DDX51: variants seen among roughly 807,000 people sequenced by gnomAD.
DDX51 encodes the protein ATP-dependent RNA helicase DDX51.
In DDX51, 67 loss-of-function variants were observed where a neutral mutation model predicts 74.6. The observed-to-expected ratio is 0.90, with a 90% CI of 0.74 to 1.10. The LOEUF is 1.10. Ranked by LOEUF, DDX51 falls within the 50% of genes least tolerant of loss-of-function variation. DDX51 has a pLI of 0.00. For synonymous variants in DDX51, 545 were observed against 402.9 expected (o/e 1.35, Z -4.22); for missense variants, 1,056 against 905.2 (o/e 1.17, Z -2.14).
Position 132,139,075 on chromosome 12 carries a change from C to T in DDX51, c.*197G>A, listed in dbSNP as rs1206133465. On this transcript the variant is annotated 3_prime_UTR_variant, in exon 15 of 15. Transcript: ENST00000397333. ...CCTCCACACTCTGAAAGTGACAAGCCCTGAAGTCTCCAGTCGGGGCAGGTG... is the reference window on the plus strand; with the variant it reads ...CCTCCACACTCTGAAAGTGACAAGCTCTGAAGTCTCCAGTCGGGGCAGGTG... 2.8e-6 allele frequency: 2 copies of T among 709,378 alleles called. No individual in the cohort carries two copies. The highest frequency in any genetic ancestry group is 3.7e-5 in the South Asian group (2 of 54,090). 43.9% of individuals were successfully genotyped at this position (709,378 alleles called of 1,614,324 possible).
At position 132,140,267 on chromosome 12, in the gene DDX51, C is replaced by T. The variant is rs925182268; in HGVS notation, c.1674-68G>A. On this transcript the variant is annotated intron_variant, in intron 11 of 14. Coordinates refer to ENST00000397333, the MANE Select transcript of DDX51 (RefSeq NM_175066.4). ...AGGGGCCGTGGCAGCACCGGCCCTG[C>T]GGGGGGCAGCTCAGGCCTTTCTGGG... is the stretch of plus-strand genomic sequence containing the variant. 210 of 1,574,960 alleles carry T rather than the reference C, an allele frequency of 1.3e-4. 1 individual carries two copies. The highest frequency in any genetic ancestry group is 1.7e-4 in the Non-Finnish European group (191 of 1,156,496).
At position 132,141,904 on chromosome 12, in the gene DDX51, A is replaced by T. The variant is rs1210040938; in HGVS notation, c.941T>A (p.Leu314Gln). The change falls in exon 6 of 15, where the codon CTG becomes CAG. Residue 314 changes from leucine to glutamine, a missense_variant. Transcript: ENST00000397333. ...YTDATPLRVS[L>Q]VTGQKSLAKE... ...GGCCAGAGACTTCTGTCCCGTAACCAGGGAGACTCTCAGAGGTGTGGCATC... is the reference window on the plus strand; with the variant it reads ...GGCCAGAGACTTCTGTCCCGTAACCTGGGAGACTCTCAGAGGTGTGGCATC... The T allele has an allele frequency of 6.2e-7, 1 of 1,613,228 alleles. No individual in the cohort carries two copies. Among genetic ancestry groups the T allele is most frequent in the South Asian group, 1.1e-5 (1 of 91,086 alleles).
intron 2 of DDX51, chr12:132,143,081 T>C (rs1593422691): frequency 1.1e-5 from 7 of 633,644 alleles, no homozygotes; most frequent in Middle Eastern, 4.4e-4. Context: ...ACTCACTCTG[T>C]AGCCTCCCAT....
rs760602783 is a variant in DDX51 at position 132,139,876 on chromosome 12, C to T, written c.1824G>A (p.Leu608=). 2 of 1,613,218 alleles carry T rather than the reference C, an allele frequency of 1.2e-6. No individual in the cohort carries two copies. The highest frequency in any genetic ancestry group is 1.1e-5 in the South Asian group (1 of 91,090). The part of the protein sequence containing the change: ...RAGKTGQAFT[L]LLKVQERRFL... ...GCAGCCTCACCTGCACTTTCAGGAG[C>T]AGTGTGAAGGCCTGTCCAGTTTTCC... Residue 608 remains leucine, a synonymous_variant, in exon 13 of 15, where the codon CTG becomes CTA. Coordinates refer to ENST00000397333, the MANE Select transcript of DDX51 (RefSeq NM_175066.4).
In DDX51 at chr12:132,139,224, G is replaced by A. The variant is rs1897355899; in HGVS notation, c.*48C>T. The A allele has an allele frequency of 1.3e-6, 2 of 1,596,990 alleles. No individual in the cohort carries two copies. Among genetic ancestry groups the A allele is most frequent in the South Asian group, 1.1e-5 (1 of 89,264 alleles). On this transcript the variant is annotated 3_prime_UTR_variant, in exon 15 of 15. Coordinates refer to ENST00000397333, the MANE Select transcript of DDX51 (RefSeq NM_175066.4). ...AGTGATCAGCACTGCTCTGGAAGGA[G>A]GGTCAGGGTGGTGAGCGTTCAGTCC...
intron 2 of DDX51, chr12:132,143,266 G>A (rs1897548387): frequency 4.9e-6 from 2 of 404,044 alleles, no homozygotes; most frequent in Non-Finnish European, 9.1e-6. Flanking sequence ...TCCTCCACCT[G>A]CCCTACCTAA....
In DDX51 at chr12:132,137,642, C is replaced by G. The variant is rs569936400; in HGVS notation, c.*1630G>C. 5.3e-5 allele frequency: 8 copies of G among 152,370 alleles called. No individual in the cohort carries two copies. Among genetic ancestry groups the G allele is most frequent in the Admixed American group, 5.2e-4 (8 of 15,296 alleles). 9.4% of individuals were successfully genotyped at this position (152,370 alleles called of 1,614,324 possible). On this transcript the variant is annotated 3_prime_UTR_variant, in exon 15 of 15. Transcript: ENST00000397333. The stretch of plus-strand genomic sequence containing the variant: ...GGGTGGGCTGGTGTTTCCATCCTCA[C>G]AACTCCAGTGAGCCGGGTGTGGCCG...
In DDX51 at chr12:132,141,503, A is replaced by G; in HGVS notation, c.1099T>C (p.Phe367Leu). The G allele has an allele frequency of 6.3e-7, 1 of 1,591,310 alleles. No homozygotes were observed. Among genetic ancestry groups the G allele is most frequent in the Non-Finnish European group, 8.5e-7 (1 of 1,171,728 alleles). Residue 367 changes from phenylalanine to leucine, a missense_variant, in exon 7 of 15, where the codon TTC (phenylalanine) becomes CTC (leucine). Physicochemically the swap from Phe to Leu is conservative, Grantham distance 22. Coordinates refer to ENST00000397333, the MANE Select transcript of DDX51 (RefSeq NM_175066.4). Reference protein sequence around the residue: ...TPGFSLQQLRFLIIDEADRMI... With the variant: ...TPGFSLQQLRLLIIDEADRMI... ...CCCCTGGGGCGGGGACCTACCAGGA[A>G]GCGGAGCTGCTGGAGGCTGAATCCT...
chr12:132,139,924 C>T lies in DDX51; in HGVS notation c.1776G>A (p.Arg592=). The part of the protein sequence containing the change: ...APQYLRTYVH[R]VGRTARAGKT... ...TCCCAGCGCGAGCTGTCCTCCCAAC[C>T]CTGGAATCAAACGCAGCTATCTCCA... is the stretch of plus-strand genomic sequence containing the variant. Residue 592 remains arginine (R), a splice_region_variant and synonymous_variant, in exon 13 of 15, where the codon CGG becomes CGA. Coordinates refer to ENST00000397333, the MANE Select transcript of DDX51 (RefSeq NM_175066.4). 2 of 1,613,004 alleles carry T rather than the reference C, an allele frequency of 1.2e-6. No homozygotes were observed. The highest frequency in any genetic ancestry group is 1.3e-5 in the African/African-American group (1 of 75,074).
chr12:132,139,833 G>T (rs1298912699), intron 13 of DDX51, 28 bp downstream of exon 13: 2 of 1,612,780 alleles, frequency 1.2e-6, no homozygotes, highest in African/African-American at 1.3e-5. Context: ...ACCAACAGCA[G>T]AAACTCCCAA....
Position 132,142,888 on chromosome 12 carries a change from A to G in DDX51, c.520-10T>C, listed in dbSNP as rs892577253. 3.8e-5 allele frequency: 62 copies of G among 1,612,340 alleles called. No individual in the cohort carries two copies. The highest frequency in any genetic ancestry group is 3.3e-4 in the Middle Eastern group (2 of 6,084). On this transcript the variant is annotated splice_polypyrimidine_tract_variant and intron_variant, in intron 2 of 14. Transcript: ENST00000397333. The stretch of plus-strand genomic sequence containing the variant: ...GCAGGAAAGGCTGGACCTGCCATCA[A>G]AAAGAAAGAGAGGCCAGGTGAGCGC...
chr12:132,143,007 G>C, intron 2 of DDX51, 129 bp from the exon 3 acceptor site: 1 of 1,258,690 alleles, frequency 7.9e-7, no homozygotes, highest in Non-Finnish European at 1.1e-6. Flanking sequence ...CTCAGCCCCA[G>C]GATGCGCTTT....
chr12:132,136,853 G>C lies in DDX51; in HGVS notation c.*2419C>G, dbSNP rs1251158267. 2 of 152,172 alleles carry C rather than the reference G, an allele frequency of 1.3e-5. No homozygotes were observed. Among genetic ancestry groups the C allele is most frequent in the Admixed American group, 6.5e-5 (1 of 15,268 alleles). The allele number at this position is 152,172 out of a possible 1,614,324, so 9.4% of individuals were successfully genotyped here. On this transcript the variant is annotated 3_prime_UTR_variant, in exon 15 of 15. Coordinates refer to ENST00000397333, the MANE Select transcript of DDX51 (RefSeq NM_175066.4). Reference sequence around the variant, plus strand: ...TAAGTTTTGTATTTTTAGTAGAGATGGGGTTTCACCATGTTGGCCAGGATG... The same window carrying C: ...TAAGTTTTGTATTTTTAGTAGAGATCGGGTTTCACCATGTTGGCCAGGATG...
intron 12 of DDX51, 61 bp downstream of exon 12, chr12:132,140,037 A>G (rs1897385293): frequency 6.2e-6 from 10 of 1,606,278 alleles, no homozygotes; most frequent in Non-Finnish European, 8.5e-6. Context: ...ACGGTCCCAC[A>G]TCAACGCCCA....
Position 132,139,230 on chromosome 12 carries a change from G to T in DDX51, c.*42C>A. On this transcript the variant is annotated 3_prime_UTR_variant, in exon 15 of 15. Coordinates refer to ENST00000397333, the MANE Select transcript of DDX51 (RefSeq NM_175066.4). ...CAGCACTGCTCTGGAAGGAGGGTCAGGGTGGTGAGCGTTCAGTCCCTCCGG... is the reference window on the plus strand; with the variant it reads ...CAGCACTGCTCTGGAAGGAGGGTCATGGTGGTGAGCGTTCAGTCCCTCCGG... 1 of 1,600,816 alleles carries T rather than the reference G, an allele frequency of 6.2e-7. No individual in the cohort carries two copies. Among genetic ancestry groups the T allele is most frequent in the East Asian group, 2.2e-5 (1 of 44,550 alleles).
In DDX51 at chr12:132,142,464, G is replaced by A. The variant is rs751548298; in HGVS notation, c.671-42C>T. The A allele has an allele frequency of 2.0e-5, 32 of 1,593,888 alleles. No individual in the cohort carries two copies. The Admixed American group carries it at 4.0e-4, about 20-fold the overall frequency. On this transcript the variant is annotated intron_variant, in intron 3 of 14. Transcript: ENST00000397333. ...GAGAGAGAAGTCGTGTTTACGCCTAGGCCTAGGCCTGCCGCTTCCCTGCCT... is the reference window on the plus strand; with the variant it reads ...GAGAGAGAAGTCGTGTTTACGCCTAAGCCTAGGCCTGCCGCTTCCCTGCCT...
chr12:132,141,986 G>A (rs778682017), intron 5 of DDX51, 30 bp from the exon 6 acceptor site: 7 of 1,609,906 alleles, frequency 4.3e-6, no homozygotes, highest in Admixed American at 1.7e-5. Flanking sequence ...CTGGCCTGGA[G>A]GTAGCTGGTG....
chr12:132,143,639 G>A (rs1897570365), intron 2 of DDX51, 56 bp downstream of exon 2: 4 of 1,527,834 alleles, frequency 2.6e-6, no homozygotes, highest in Admixed American at 2.0e-5. Flanking sequence ...CCGCACTTAA[G>A]AATCCGCGCA....
rs544382267 is a variant in DDX51, at chr12:132,140,478, C to T, written c.1618G>A (p.Gly540Arg). Residue 540 changes from glycine (G) to arginine (R), a missense_variant, in exon 11 of 15, where the codon GGG (glycine) becomes AGG (arginine). Transcript: ENST00000397333. ...AGGATCATCCTCCTCTGGCCAGGCC[C>T]GTAGCGCGAGGAGAACTCAGCCACG... ...VDVAEFSSRYGPGQRRMILKQ... is the reference protein window; with the variant it reads ...VDVAEFSSRYRPGQRRMILKQ... 42 of 1,613,106 alleles carry T rather than the reference C, an allele frequency of 2.6e-5. 1 individual carries two copies. The highest frequency in any genetic ancestry group is 9.9e-5 in the South Asian group (9 of 91,086).
Sources: gnomAD v4.1 joint callset for allele counts on GRCh38, gnomAD v4.1.1 for gene constraint, MANE v1.5 for transcripts, NCBI Gene and HGNC (gene_info 2026-07-23, HGNC 2026-07-21) for gene names.